RBPMS: variants seen among roughly 807,000 people sequenced by gnomAD.
The protein encoded by RBPMS is RNA binding protein, mRNA processing factor.
Under a neutral mutation model 26.8 loss-of-function variants are expected in RBPMS, and 7 were observed. The observed-to-expected ratio is 0.26, with a 90% CI of 0.15 to 0.49. RBPMS has a LOEUF of 0.49. Ranked by LOEUF, RBPMS falls within the 20% of genes least tolerant of loss-of-function variation. The pLI is 0.98. For synonymous variants in RBPMS, 96 were observed against 93.3 expected (o/e 1.03, Z -0.17); for missense variants, 186 against 250.0 (o/e 0.74, Z 1.73).
At chr8:30,391,879 A>G (rs1439481492) in intron 1 of RBPMS, among the ~76,000 whole-genome samples, 1 of 152,078 alleles carries the variant, frequency 6.6e-6, no homozygotes, top group African/African-American at 2.4e-5. Flanking sequence ...ATTGTCAGAA[A>G]TCTTTTTATC....
chr8:30,422,829 CAA>C (rs1810951422), intron 1 of RBPMS, among the ~76,000 whole-genome samples: 1 of 152,096 alleles, frequency 6.6e-6, no homozygotes, highest in Non-Finnish European at 1.5e-5. Flanking sequence ...CAAAATATCC[CAA>C]GTTTATAATT....
chr8:30,466,575 T>C (rs1030449785), intron 1 of RBPMS, among the ~76,000 whole-genome samples: 2 of 151,208 alleles, frequency 1.3e-5, no homozygotes, highest in African/African-American at 4.9e-5. Context: ...GTGGTTTTGG[T>C]TTTTCTTTCT....
chr8:30,502,435 A>G (rs922864020), intron 4 of RBPMS, among the ~76,000 whole-genome samples: 4 of 152,018 alleles, frequency 2.6e-5, no homozygotes, highest in Admixed American at 6.5e-5. Context: ...GTCCCAGGAT[A>G]CTCTTCACAT....
At chr8:30,446,837 G>A (rs1168117705) in intron 1 of RBPMS, 7 of 88,942 alleles carry the variant, frequency 7.9e-5, no homozygotes, top group African/African-American at 3.5e-4. Context: ...GTGTGTGTGT[G>A]TGTGTGCGCG....
intron 4 of RBPMS, among the ~76,000 whole-genome samples, chr8:30,499,953 T>A (rs889021835): frequency 1.4e-4 from 21 of 152,136 alleles, no homozygotes; most frequent in African/African-American, 5.1e-4. Flanking sequence ...GTGCAAAGGG[T>A]ATATAGGAAT....
intron 4 of RBPMS, among the ~76,000 whole-genome samples, chr8:30,494,589 C>G (rs1819731825): frequency 6.6e-6 from 1 of 152,222 alleles, no homozygotes; most frequent in Non-Finnish European, 1.5e-5. Context: ...AAGTCAGACT[C>G]TTAAATCCAC....
intron 1 of RBPMS, among the ~76,000 whole-genome samples, chr8:30,445,700 C>T (rs1813683980): frequency 8.1e-6 from 1 of 123,172 alleles, no homozygotes; most frequent in Admixed American, 8.4e-5. Context: ...CAAGGTGTTG[C>T]ACTGTCGCCT....
chr8:30,410,410 A>G (rs1196093109), intron 1 of RBPMS, among the ~76,000 whole-genome samples: 1 of 151,898 alleles, frequency 6.6e-6, no homozygotes, highest in Non-Finnish European at 1.5e-5. Flanking sequence ...GGGTTTCACC[A>G]TGTTAGCCAG....
chr8:30,443,901 T>A (rs1344306033), intron 1 of RBPMS, among the ~76,000 whole-genome samples: 2 of 141,028 alleles, frequency 1.4e-5, no homozygotes, highest in African/African-American at 5.4e-5. Flanking sequence ...AGCCTCAGAT[T>A]TTGTATTGAT....
chr8:30,567,612 T>G (rs544325832), intron 8 of RBPMS, among the ~76,000 whole-genome samples: 1 of 150,586 alleles, frequency 6.6e-6, no homozygotes, highest in Non-Finnish European at 1.5e-5. Context: ...TTTCCACTTA[T>G]GCAATTTTTG....
intron 6 of RBPMS, chr8:30,556,650 G>C: frequency 1.0e-6 from 1 of 986,102 alleles, no homozygotes; most frequent in Non-Finnish European, 1.2e-6. Flanking sequence ...CCTCTACTGT[G>C]TGTTTAGGTG....
chr8:30,409,055 T>TG (rs1808984569), intron 1 of RBPMS, among the ~76,000 whole-genome samples: 1 of 152,206 alleles, frequency 6.6e-6, no homozygotes, highest in Non-Finnish European at 1.5e-5. Flanking sequence ...GATACCGCCA[T>TG]TGTATGGATG....
At chr8:30,518,715 T>TTTTTTTTTTTTTTTC (rs1554533805) in intron 5 of RBPMS, among the ~76,000 whole-genome samples, 4 of 129,924 alleles carry the variant, frequency 3.1e-5, no homozygotes, top group African/African-American at 9.7e-5. Context: ...TTTTTTTTTT[T>TTTTTTTTTTTTTTTC]CTGAAAAGGA....
rs976106545 is a variant in RBPMS at position 30,549,654 on chromosome 8, A to G, written c.528+5030A>G. On this transcript the variant is annotated intron_variant, in intron 6 of 8. Coordinates refer to ENST00000397323, the MANE Select transcript of RBPMS (RefSeq NM_001008710.3). ...GGGGCGGACGGGGAGGCCAGGCCTC[A>G]TGCTCACAGCGCCAGCCTCCTGTGA... 10 of 1,195,044 alleles carry G rather than the reference A, an allele frequency of 8.4e-6. No homozygotes were observed. The African/African-American group carries it at 1.5e-4, about 18-fold the overall frequency. 74.0% of individuals were successfully genotyped at this position (1,195,044 alleles called of 1,614,324 possible). A position where few individuals can be genotyped will look rare whatever the true frequency, so the allele number is the denominator to read the frequency against.
intron 4 of RBPMS, among the ~76,000 whole-genome samples, chr8:30,495,830 A>T (rs911103943): frequency 6.6e-6 from 1 of 152,164 alleles, no homozygotes; most frequent in Non-Finnish European, 1.5e-5. Context: ...TCACAATGCA[A>T]ACTGAACAAC....
At chr8:30,544,719 C>T (rs1403845747) in intron 6 of RBPMS, 95 bp downstream of exon 6, 1 of 1,602,706 alleles carries the variant, frequency 6.2e-7, no homozygotes, top group African/African-American at 1.3e-5. Context: ...AACACCTATC[C>T]AGCTAACAGA....
intron 1 of RBPMS, among the ~76,000 whole-genome samples, chr8:30,413,105 G>T (rs117058751): frequency 0.014 from 2,166 of 152,312 alleles, 34 homozygotes; most frequent in Non-Finnish European, 0.023. Context: ...TTGAGGCAGA[G>T]CCTTGCTCTG....
intron 1 of RBPMS, among the ~76,000 whole-genome samples, chr8:30,443,444 G>A (rs1419729316): frequency 2.0e-5 from 3 of 152,122 alleles, no homozygotes; most frequent in Non-Finnish European, 2.9e-5. Context: ...TTTTGATTTT[G>A]GACAGGTTCC....
At chr8:30,560,360 G>A (rs778389675) in intron 7 of RBPMS, among the ~76,000 whole-genome samples, 14 of 152,154 alleles carry the variant, frequency 9.2e-5, no homozygotes, top group Non-Finnish European at 1.8e-4. Flanking sequence ...TCAGCAGACA[G>A]TAGAGAGATG....
Sources: gnomAD v4.1 joint callset for allele counts (sites outside exome capture counted in the v4.1 genomes callset) on GRCh38, gnomAD v4.1.1 for gene constraint, MANE v1.5 for transcripts, NCBI Gene and HGNC (gene_info 2026-07-23, HGNC 2026-07-21) for gene names.